Variants in FAM53B observed in about 807,000 individuals in gnomAD.
FAM53B encodes the protein protein FAM53B.
Under a neutral mutation model 32.7 loss-of-function variants are expected in FAM53B, and 12 were observed. The ratio of observed to expected loss-of-function variants is 0.37; its 90% confidence interval spans 0.24 to 0.59. FAM53B has a LOEUF of 0.59. Among genes scored for constraint, FAM53B ranks in the 20% least tolerant of loss-of-function variants. FAM53B has a pLI of 0.72. For missense variants in FAM53B, 477 were observed against 577.7 expected (o/e 0.83, Z 1.79); for synonymous variants, 234 against 228.7 (o/e 1.02, Z -0.21).
chr10:124,686,688 C>T (rs1949805014), intron 3 of FAM53B, among the ~76,000 whole-genome samples: 1 of 152,264 alleles, frequency 6.6e-6, no homozygotes, highest in Non-Finnish European at 1.5e-5. Flanking sequence ...TGTGGCTCCC[C>T]AGTGCCTAGC....
At chr10:124,701,766 C>T (rs1949916210) in intron 2 of FAM53B, among the ~76,000 whole-genome samples, 2 of 145,316 alleles carry the variant, frequency 1.4e-5, no homozygotes, top group Non-Finnish European at 3.1e-5. Context: ...GGGCCATGGG[C>T]ACAGCTGAGC....
At chr10:124,731,137 C>G (rs1432047842) in intron 1 of FAM53B, among the ~76,000 whole-genome samples, 2 of 152,198 alleles carry the variant, frequency 1.3e-5, no homozygotes, top group Non-Finnish European at 2.9e-5. Context: ...TATTCTTCAT[C>G]TATAAAAAGG....
chr10:124,735,040 C>G (rs1950165608), intron 1 of FAM53B, among the ~76,000 whole-genome samples: 1 of 152,188 alleles, frequency 6.6e-6, no homozygotes, highest in African/African-American at 2.4e-5. Context: ...CACCGCAGGC[C>G]GAGCTGGGGG....
chr10:124,707,009 T>C, intron 1 of FAM53B, 122 bp from the exon 2 acceptor site: 1 of 889,344 alleles, frequency 1.1e-6, no homozygotes. Context: ...CTAAAGGAGA[T>C]GCACTCTGGG....
In FAM53B at chr10:124,623,513, G is replaced by A. The variant is rs781497284; in HGVS notation, c.998C>T (p.Thr333Ile). 4.4e-6 allele frequency: 7 copies of A among 1,595,874 alleles called. No homozygotes were observed. The South Asian group carries it at 7.9e-5, about 18-fold the overall frequency. The change falls in exon 5 of 5, where the codon ACC becomes ATC. Residue 333 changes from threonine (T) to isoleucine (I), a missense_variant. Physicochemically the swap from Thr to Ile is moderately conservative, Grantham distance 89 (BLOSUM62 -1). Transcript: ENST00000337318. ...TGAGAGCAGGGCGGTCCAGGCCCTG[G>A]TGTTGCTGACGTGGCGGGCGAAGGG... is the stretch of plus-strand genomic sequence containing the variant. ...QSPFARHVSN[T>I]RAWTALLSAS...
At chr10:124,710,950 C>T (rs1949997699) in intron 1 of FAM53B, among the ~76,000 whole-genome samples, 1 of 152,196 alleles carries the variant, frequency 6.6e-6, no homozygotes, top group African/African-American at 2.4e-5. Flanking sequence ...CAAACAACTA[C>T]CAGCAAGAGT....
intron 2 of FAM53B, among the ~76,000 whole-genome samples, chr10:124,700,278 T>C (rs775335072): frequency 6.6e-6 from 1 of 152,270 alleles, no homozygotes. Context: ...TTCCCACTGG[T>C]ATTTACCATT....
chr10:124,628,668 G>C (rs1004780603), intron 4 of FAM53B, among the ~76,000 whole-genome samples: 1 of 152,238 alleles, frequency 6.6e-6, no homozygotes. Flanking sequence ...TGCTGTGAGT[G>C]TTGGCTCTGA....
chr10:124,687,202 C>T (rs1949807857), intron 3 of FAM53B, among the ~76,000 whole-genome samples: 1 of 152,200 alleles, frequency 6.6e-6, no homozygotes, highest in Non-Finnish European at 1.5e-5. Context: ...TTTTTCATGG[C>T]AAACTGCCCC....
intron 4 of FAM53B, among the ~76,000 whole-genome samples, chr10:124,631,596 C>T (rs1056214008): frequency 6.6e-6 from 1 of 152,208 alleles, no homozygotes; most frequent in Non-Finnish European, 1.5e-5. Flanking sequence ...GGGCCAAACC[C>T]GCCACGCAGG....
At position 124,738,627 on chromosome 10, in the gene FAM53B, C is replaced by A. The variant is rs144851311; in HGVS notation, c.-175+5386G>T. Among the ~76,000 whole-genome samples the A allele has an allele frequency of 1.0e-3, 157 of 151,856 alleles. 2 individuals carry two copies. Among genetic ancestry groups the A allele is most frequent in the Admixed American group, 8.3e-3 (127 of 15,264 alleles). On this transcript the variant is annotated intron_variant, in intron 1 of 4. Transcript: ENST00000337318. ...CATCTGTCTGAGACAGAATGCAGGGCCGCTGCCCAGCCCTGGCTGGGGCGT... is the reference window on the plus strand; with the variant it reads ...CATCTGTCTGAGACAGAATGCAGGGACGCTGCCCAGCCCTGGCTGGGGCGT...
At chr10:124,720,120 G>A (rs1381949252) in intron 1 of FAM53B, among the ~76,000 whole-genome samples, 12 of 149,818 alleles carry the variant, frequency 8.0e-5, no homozygotes, top group Non-Finnish European at 1.5e-4. Context: ...CCGAGATCGC[G>A]CCATTGCACT....
At chr10:124,730,671 A>G (rs995874839) in intron 1 of FAM53B, among the ~76,000 whole-genome samples, 18 of 152,324 alleles carry the variant, frequency 1.2e-4, no homozygotes, top group South Asian at 4.1e-4. Flanking sequence ...GTGCTGTCCA[A>G]CGTGAGAGGT....
intron 4 of FAM53B, among the ~76,000 whole-genome samples, chr10:124,669,867 G>A (rs922165878): frequency 6.6e-6 from 1 of 151,264 alleles, no homozygotes; most frequent in Non-Finnish European, 1.5e-5. Flanking sequence ...CAGGGTGGGT[G>A]AGGACCACAG....
intron 1 of FAM53B, among the ~76,000 whole-genome samples, chr10:124,710,211 T>TA (rs1233642572): frequency 3.3e-5 from 5 of 152,230 alleles, no homozygotes; most frequent in African/African-American, 9.6e-5. Context: ...ATGGAGACCT[T>TA]ATCACTGCAG....
chr10:124,684,927 T>G (rs577582455), intron 3 of FAM53B, among the ~76,000 whole-genome samples: 1 of 152,334 alleles, frequency 6.6e-6, no homozygotes, highest in Non-Finnish European at 1.5e-5. Flanking sequence ...AAGTGAAGAT[T>G]TATGTATGAT....
chr10:124,623,620 C>T lies in FAM53B; in HGVS notation c.907-16G>A, dbSNP rs756258854. 4.4e-6 allele frequency: 7 copies of T among 1,604,006 alleles called. No individual in the cohort carries two copies. In the East Asian group the frequency reaches 1.1e-4, roughly 26 times the overall value. On this transcript the variant is annotated splice_polypyrimidine_tract_variant and intron_variant, in intron 4 of 4. Transcript: ENST00000337318. ...TCTGACAGTTCTGTGGAGGGGCAGA[C>T]ACACAGGTTACTAAGGGTTACTCCC...
chr10:124,638,847 G>GGC (rs1156291064), intron 4 of FAM53B, among the ~76,000 whole-genome samples: 2 of 152,226 alleles, frequency 1.3e-5, no homozygotes, highest in African/African-American at 4.8e-5. Context: ...GGTGTGGAAG[G>GGC]ACATTCCTGG....
chr10:124,675,369 T>C (rs1357096974), intron 4 of FAM53B, among the ~76,000 whole-genome samples: 2 of 152,134 alleles, frequency 1.3e-5, no homozygotes, highest in African/African-American at 4.8e-5. Context: ...GCTGGCAGGA[T>C]CCCGGCCCAC....
Sources: allele counts gnomAD v4.1 joint callset (sites outside exome capture counted in the v4.1 genomes callset), GRCh38; gene constraint gnomAD v4.1.1; transcripts MANE v1.5; gene names NCBI Gene and HGNC (gene_info 2026-07-23, HGNC 2026-07-21).